CACNA1E: variants seen among roughly 807,000 people sequenced by gnomAD.
CACNA1E encodes voltage-dependent R-type calcium channel subunit alpha-1E.
In CACNA1E, 40 loss-of-function variants were observed where a neutral mutation model predicts 259.2. The ratio of observed to expected loss-of-function variants is 0.15; its 90% CI spans 0.12 to 0.20. The LOEUF is 0.20. CACNA1E is among the 10% of genes least tolerant of loss of function. The pLI, the probability that CACNA1E is intolerant of heterozygous loss-of-function variation, is 1.00. For synonymous variants in CACNA1E, 1,104 were observed against 1,138.5 expected (o/e 0.97, Z 0.61); for missense variants, 1,874 against 3,040.1 (o/e 0.62, Z 9.02).
intron 19 of CACNA1E, 146 bp downstream of exon 19, chr1:181,731,377 T>A (rs1572727015): frequency 1.5e-6 from 1 of 687,710 alleles, no homozygotes; most frequent in East Asian, 2.7e-5. Context: ...GTTCACATGA[T>A]CTGTGGATAT....
At position 181,590,414 on chromosome 1, in the gene CACNA1E, A is replaced by AT. The variant is rs1206091612; in HGVS notation, c.951+9638_951+9639insT. On this transcript the variant is annotated intron_variant, in intron 6 of 47. Transcript: ENST00000367573. ...TGGAGTCAATTACAAAAAAAAAAAA[A>AT]AAATATATATATATATATATATTGT... Among the ~76,000 whole-genome samples the AT allele has an allele frequency of 1.6e-3, 199 of 125,650 alleles. 2 individuals carry two copies. Among genetic ancestry groups the AT allele is most frequent in the African/African-American group, 4.6e-3 (147 of 32,076 alleles). The allele number at this position is 125,650 out of a possible 152,430, so 82.4% of individuals were successfully genotyped here.
intron 1 of CACNA1E, among the ~76,000 whole-genome samples, chr1:181,319,233 G>C (rs539144009): frequency 6.6e-6 from 1 of 152,194 alleles, no homozygotes; most frequent in Non-Finnish European, 1.5e-5. Flanking sequence ...GGAAAGGCTG[G>C]GAGTCAGGAT....
chr1:181,497,806 G>A (rs1286758933), intron 1 of CACNA1E, among the ~76,000 whole-genome samples: 2 of 152,180 alleles, frequency 1.3e-5, no homozygotes, highest in Non-Finnish European at 1.5e-5. Context: ...GCATCACTGG[G>A]TATGAGGCTA....
intron 44 of CACNA1E, among the ~76,000 whole-genome samples, chr1:181,791,474 AAAAC>A (rs1661306725): frequency 1.3e-5 from 2 of 152,322 alleles, no homozygotes; most frequent in South Asian, 4.1e-4. Context: ...CTCCGTCTCA[AAAAC>A]AAACAAAAAA....
intron 1 of CACNA1E, among the ~76,000 whole-genome samples, chr1:181,344,077 T>G (rs1404302046): frequency 6.6e-6 from 1 of 152,190 alleles, no homozygotes. Flanking sequence ...GGTACCCTCC[T>G]GTGTTCTCTC....
At chr1:181,365,816 C>A (rs1654230530) in intron 1 of CACNA1E, among the ~76,000 whole-genome samples, 1 of 152,206 alleles carries the variant, frequency 6.6e-6, no homozygotes. Flanking sequence ...AGTTGGTAGT[C>A]TTTTAAGGCA....
intron 7 of CACNA1E, among the ~76,000 whole-genome samples, chr1:181,701,025 T>C (rs1258009404): frequency 6.6e-6 from 1 of 152,224 alleles, no homozygotes; most frequent in African/African-American, 2.4e-5. Context: ...GGACTTGTTT[T>C]CATAAGGAAG....
At chr1:181,495,527 T>C (rs10494539) in intron 1 of CACNA1E, among the ~76,000 whole-genome samples, 5,054 of 152,340 alleles carry the variant, frequency 0.033, 142 homozygotes, top group East Asian at 0.13. Context: ...GTTATTAGTA[T>C]ATGGTTAATT....
At chr1:181,420,264 G>A (rs1452813627) in intron 2 of CACNA1E, among the ~76,000 whole-genome samples, 1 of 152,132 alleles carries the variant, frequency 6.6e-6, no homozygotes, top group Non-Finnish European at 1.5e-5. Flanking sequence ...AAATGCTGAT[G>A]GGAGAAGGAG....
intron 1 of CACNA1E, among the ~76,000 whole-genome samples, chr1:181,409,857 A>G (rs1041884187): frequency 6.6e-6 from 1 of 152,226 alleles, no homozygotes; most frequent in Admixed American, 6.5e-5. Context: ...TCCGCAGTGC[A>G]TATTATTGCT....
At chr1:181,554,689 A>G (rs1279696984) in intron 3 of CACNA1E, among the ~76,000 whole-genome samples, 2 of 152,156 alleles carry the variant, frequency 1.3e-5, no homozygotes, top group African/African-American at 4.8e-5. Context: ...CGTTGCTCAC[A>G]CACTGTGTAC....
At chr1:181,420,216 TCTC>T (rs1438284396) in intron 2 of CACNA1E, among the ~76,000 whole-genome samples, 3 of 151,486 alleles carry the variant, frequency 2.0e-5, no homozygotes, top group South Asian at 4.2e-4. Flanking sequence ...ACCTGGGAGG[TCTC>T]CTGCATTTTT....
chr1:181,318,561 C>G (rs1650092124), intron 1 of CACNA1E, among the ~76,000 whole-genome samples: 1 of 152,154 alleles, frequency 6.6e-6, no homozygotes, highest in African/African-American at 2.4e-5. Flanking sequence ...TGGGTTTTCG[C>G]AAGCCTTGGG....
chr1:181,677,560 A>C (rs1173009397), intron 7 of CACNA1E, among the ~76,000 whole-genome samples: 1 of 152,182 alleles, frequency 6.6e-6, no homozygotes, highest in Non-Finnish European at 1.5e-5. Context: ...CTAGTGTGCA[A>C]TTTCCTGATC....
At chr1:181,419,728 C>G (rs1036863531) in intron 2 of CACNA1E, among the ~76,000 whole-genome samples, 4 of 152,164 alleles carry the variant, frequency 2.6e-5, no homozygotes, top group Admixed American at 2.6e-4. Context: ...GAATTGATAT[C>G]CATTCTAATC....
intron 3 of CACNA1E, among the ~76,000 whole-genome samples, chr1:181,530,533 G>C (rs2102726848): frequency 6.6e-6 from 1 of 152,240 alleles, no homozygotes; most frequent in East Asian, 1.9e-4. Context: ...GTAGAATCCT[G>C]GTAGTGGTCC....
chr1:181,722,552 G>A (rs978451757), intron 16 of CACNA1E, among the ~76,000 whole-genome samples: 3 of 152,106 alleles, frequency 2.0e-5, no homozygotes, highest in Admixed American at 2.0e-4. Context: ...TGTGGCCTTG[G>A]GAAAGTTACT....
chr1:181,721,701 G>A (rs891501617), intron 15 of CACNA1E, 57 bp from the exon 16 acceptor site: 9 of 1,107,730 alleles, frequency 8.1e-6, no homozygotes, highest in Admixed American at 3.5e-5. Flanking sequence ...CTTGGCATTG[G>A]CCCCATTTTC....
intron 1 of CACNA1E, among the ~76,000 whole-genome samples, chr1:181,337,121 G>T (rs1651771933): frequency 6.6e-6 from 1 of 150,474 alleles, no homozygotes; most frequent in African/African-American, 2.4e-5. Flanking sequence ...ACCATACATA[G>T]TTCCTTTTTT....
Sources: allele counts gnomAD v4.1 joint callset (sites outside exome capture counted in the v4.1 genomes callset), GRCh38; gene constraint gnomAD v4.1.1; transcripts MANE v1.5; gene names NCBI Gene and HGNC (gene_info 2026-07-23, HGNC 2026-07-21).